MAP3K13: variants seen among roughly 807,000 people sequenced by gnomAD.
MAP3K13 encodes leucine zipper-bearing kinase.
Under a neutral mutation model 104.0 loss-of-function variants are expected in MAP3K13, and 52 were observed. That is an observed-to-expected ratio of 0.50 (90% CI 0.40 to 0.63). The LOEUF is 0.63. Ranked by LOEUF, MAP3K13 falls within the 20% of genes least tolerant of loss-of-function variation. MAP3K13 has a pLI of 0.00. For synonymous variants in MAP3K13, 394 were observed against 442.2 expected, an observed-to-expected ratio of 0.89 and a Z score of 1.37; for missense variants, 914 against 1,218.5, an observed-to-expected ratio of 0.75 and a Z score of 3.72.
rs1016709420 is a variant in MAP3K13 at position 185,446,877 on chromosome 3, C to T, written c.852-912C>T. ...TGATAACGGTGCCTTATGTATCTTACCTCATTTAATTCAAATGAAAATTCA... is the reference window on the plus strand; with the variant it reads ...TGATAACGGTGCCTTATGTATCTTATCTCATTTAATTCAAATGAAAATTCA... On this transcript the variant is annotated intron_variant, in intron 4 of 13. Transcript: ENST00000265026. Among the ~76,000 whole-genome samples, 5 of 152,252 alleles carry T rather than the reference C, an allele frequency of 3.3e-5. No homozygotes were observed. In the Middle Eastern group the frequency reaches 0.014, roughly 414 times the overall value.
intron 1 of MAP3K13, among the ~76,000 whole-genome samples, chr3:185,412,884 T>C (rs551027863): frequency 6.6e-6 from 1 of 152,344 alleles, no homozygotes; most frequent in East Asian, 1.9e-4. Context: ...TCTGTTCCTA[T>C]TCACCTTTTC....
At chr3:185,343,481 T>C (rs1327599153) in intron 2 of MAP3K13, among the ~76,000 whole-genome samples, 1 of 152,182 alleles carries the variant, frequency 6.6e-6, no homozygotes, top group African/African-American at 2.4e-5. Context: ...TGAGACGGCA[T>C]CTCGCTCTGT....
rs1275138300 is a variant in MAP3K13 at position 185,473,931 on chromosome 3, C to A, written c.2430+170C>A. Among the ~76,000 whole-genome samples, 1 of 152,220 alleles carries A rather than the reference C, an allele frequency of 6.6e-6. No homozygotes were observed. ...TTACTTTAAATTCGTTCTTTCCACA[C>A]TGTTTAAGTGATAAACTACGGAATA... On this transcript the variant is annotated intron_variant, in intron 11 of 13. Coordinates refer to ENST00000265026, the MANE Select transcript of MAP3K13 (RefSeq NM_004721.5). This position sits in a 1 kb window ranked among gnomAD's most constrained non-coding sequence, Gnocchi z 4.9.
intron 2 of MAP3K13, among the ~76,000 whole-genome samples, chr3:185,309,826 T>C (rs1721434703): frequency 6.6e-6 from 1 of 152,144 alleles, no homozygotes; most frequent in Admixed American, 6.5e-5. Context: ...GGTTTTTGTT[T>C]TGTTTTGTTT....
intron 2 of MAP3K13, among the ~76,000 whole-genome samples, chr3:185,294,292 G>A (rs1464898603): frequency 6.6e-6 from 1 of 152,176 alleles, no homozygotes; most frequent in Non-Finnish European, 1.5e-5. Context: ...GGTTAGGTTA[G>A]CATAGGTGAC....
chr3:185,348,147 A>G (rs924237704), intron 2 of MAP3K13, among the ~76,000 whole-genome samples: 2 of 152,184 alleles, frequency 1.3e-5, no homozygotes, highest in South Asian at 2.1e-4. Flanking sequence ...TAATTTTTCA[A>G]ATGTTGCATT....
At chr3:185,471,313 T>C in intron 10 of MAP3K13, among the ~76,000 whole-genome samples, 1 of 149,856 alleles carries the variant, frequency 6.7e-6, no homozygotes. Flanking sequence ...TTGCTTTTTT[T>C]TTTTTTTTTT....
At position 185,321,534 on chromosome 3, in the gene MAP3K13, G is replaced by A. The variant is rs148219459; in HGVS notation, c.-86+35891G>A. 2.0e-5 allele frequency among the ~76,000 whole-genome samples: 3 copies of A among 152,236 alleles called. No individual in the cohort carries two copies. In the East Asian group the frequency reaches 5.8e-4, roughly 29 times the overall value. ...TATTTTTCTCCTTTGAATACAAAGT[G>A]TTTATTGTGATTTGCCACATGTGGC... On this transcript the variant is annotated intron_variant, in intron 2 of 14. Transcript: ENST00000424227.
At chr3:185,381,867 G>A (rs1724737776) in intron 1 of MAP3K13, among the ~76,000 whole-genome samples, 1 of 152,200 alleles carries the variant, frequency 6.6e-6, no homozygotes, top group Non-Finnish European at 1.5e-5. Flanking sequence ...TGTGACCAGA[G>A]GCTTACAGAA....
chr3:185,370,504 G>A lies in MAP3K13; in HGVS notation c.-86+7136G>A, dbSNP rs867489294. Among the ~76,000 whole-genome samples, 102 of 152,094 alleles carry A rather than the reference G, an allele frequency of 6.7e-4. No individual in the cohort carries two copies. In the Middle Eastern group the frequency reaches 0.01, roughly 15 times the overall value. ...ACCCACTGCGCCCGGTCCTTTCACA[G>A]TATTTTTATAGAAATTTAGCCTCCA... On this transcript the variant is annotated intron_variant, in intron 1 of 13. Coordinates refer to ENST00000265026, the MANE Select transcript of MAP3K13 (RefSeq NM_004721.5).
intron 1 of MAP3K13, among the ~76,000 whole-genome samples, chr3:185,284,785 G>A (rs769964418): frequency 6.6e-6 from 1 of 151,746 alleles, no homozygotes; most frequent in African/African-American, 2.4e-5. Context: ...TTTTAAAAAT[G>A]TGATAAAAAG....
At chr3:185,446,692 G>C (rs1577568752) in intron 4 of MAP3K13, among the ~76,000 whole-genome samples, 1 of 152,202 alleles carries the variant, frequency 6.6e-6, no homozygotes, top group Non-Finnish European at 1.5e-5. Flanking sequence ...ATCAGCACTA[G>C]TGAAATCCCA....
intron 2 of MAP3K13, among the ~76,000 whole-genome samples, chr3:185,342,465 A>C (rs80279432): frequency 6.6e-6 from 1 of 152,288 alleles, no homozygotes; most frequent in East Asian, 1.9e-4. Flanking sequence ...CATAGACAAG[A>C]CTTTTAGGAA....
intron 2 of MAP3K13, among the ~76,000 whole-genome samples, chr3:185,341,414 A>C (rs546835297): frequency 1.3e-5 from 2 of 152,290 alleles, no homozygotes; most frequent in African/African-American, 4.8e-5. Context: ...CTTCAGCAGG[A>C]GCATGGGCCT....
At chr3:185,428,357 C>T (rs1714547121) in intron 1 of MAP3K13, 140 bp from the exon 2 acceptor site, 2 of 453,198 alleles carry the variant, frequency 4.4e-6, no homozygotes, top group East Asian at 7.1e-5. Flanking sequence ...TTTTTCATTG[C>T]TGCACTCATT....
At chr3:185,383,017 C>A (rs1438017877) in intron 1 of MAP3K13, among the ~76,000 whole-genome samples, 2 of 145,340 alleles carry the variant, frequency 1.4e-5, no homozygotes, top group Non-Finnish European at 1.5e-5. Flanking sequence ...CCCCCTCCCC[C>A]CAACCCACAA....
At position 185,417,626 on chromosome 3, in the gene MAP3K13, C is replaced by A. The variant is rs1420173765; in HGVS notation, c.-85-10871C>A. ...TTCTGCTTCTTAACACCAACAGCAG[C>A]CTTCTTTCCTTTCTTACCTACCACA... is the stretch of plus-strand genomic sequence containing the variant. On this transcript the variant is annotated intron_variant, in intron 1 of 13. Coordinates refer to ENST00000265026, the MANE Select transcript of MAP3K13 (RefSeq NM_004721.5). The A allele has an allele frequency of 3.1e-6, 5 of 1,611,754 alleles. No homozygotes were observed. In the African/African-American group the frequency reaches 6.7e-5, roughly 22 times the overall value.
chr3:185,436,149 T>G (rs1715017726), intron 2 of MAP3K13, among the ~76,000 whole-genome samples: 1 of 152,236 alleles, frequency 6.6e-6, no homozygotes, highest in Non-Finnish European at 1.5e-5. Flanking sequence ...TGATTGAATT[T>G]TTGAAGTGCT....
chr3:185,393,645 A>G (rs944068440), intron 1 of MAP3K13, among the ~76,000 whole-genome samples: 1 of 151,844 alleles, frequency 6.6e-6, no homozygotes, highest in Admixed American at 6.6e-5. Context: ...TTTTTAGTAG[A>G]GTTGGGGTTT....
Sources: allele counts gnomAD v4.1 joint callset (sites outside exome capture counted in the v4.1 genomes callset), GRCh38; gene constraint gnomAD v4.1.1; non-coding constraint Gnocchi (gnomAD v3.1); transcripts MANE v1.5; gene names NCBI Gene and HGNC (gene_info 2026-07-23, HGNC 2026-07-21).